The following MYO5B variants were observed in gnomAD, a reference collection of about 807,000 sequenced individuals.
MYO5B encodes myosin VB, also known as unconventional myosin-Vb.
In MYO5B, 143 loss-of-function variants were observed where a neutral mutation model predicts 229.3. That is an observed-to-expected ratio of 0.62 (90% confidence interval 0.54 to 0.72). The LOEUF (loss-of-function observed/expected upper bound fraction) is 0.72, where lower values mean the gene tolerates loss of function less well. Among genes scored for constraint, MYO5B ranks in the 30% least tolerant of loss-of-function variants. The pLI, the probability that MYO5B is intolerant of heterozygous loss-of-function variation, is 0.00. For missense variants in MYO5B, 2,321 were observed against 2,331.0 expected (o/e 1.00, Z 0.09); for synonymous variants, 918 against 885.2 (o/e 1.04, Z -0.66).
intron 1 of MYO5B, among the ~76,000 whole-genome samples, chr18:50,132,433 T>C (rs2032268636): frequency 1.3e-5 from 2 of 152,214 alleles, no homozygotes; most frequent in South Asian, 4.1e-4. Flanking sequence ...ATGAGATTAA[T>C]ATATATTCCA....
intron 6 of MYO5B, 49 bp from the exon 7 acceptor site, chr18:49,990,569 C>A (rs182327830): frequency 6.7e-7 from 1 of 1,488,934 alleles, no homozygotes. Context: ...CCTCTAACAT[C>A]GTTCCCTCTG....
At chr18:49,980,750 G>A (rs761864182) in intron 8 of MYO5B, among the ~76,000 whole-genome samples, 197 bp from the exon 9 acceptor site, 1 of 152,004 alleles carries the variant, frequency 6.6e-6, no homozygotes, top group Non-Finnish European at 1.5e-5. Context: ...GGGGCTCCTT[G>A]GACTAAAAAG....
At chr18:49,881,119 T>C (rs2024581260) in intron 22 of MYO5B, among the ~76,000 whole-genome samples, 1 of 152,238 alleles carries the variant, frequency 6.6e-6, no homozygotes, top group South Asian at 2.1e-4. Flanking sequence ...ATATACTCTT[T>C]TGTCTTTGTC....
intron 17 of MYO5B, among the ~76,000 whole-genome samples, chr18:49,917,138 C>G (rs745631990): frequency 6.6e-6 from 1 of 152,168 alleles, no homozygotes; most frequent in Non-Finnish European, 1.5e-5. Context: ...CATTCCACCT[C>G]GTGTTGTGGA....
At chr18:49,971,799 G>A (rs1052471052) in intron 10 of MYO5B, among the ~76,000 whole-genome samples, 4 of 152,220 alleles carry the variant, frequency 2.6e-5, no homozygotes, top group Admixed American at 2.0e-4. Context: ...AACTCAGAGA[G>A]AGTGTGAACT....
At chr18:50,098,393 A>G (rs921648994) in intron 1 of MYO5B, among the ~76,000 whole-genome samples, 1 of 152,228 alleles carries the variant, frequency 6.6e-6, no homozygotes, top group African/African-American at 2.4e-5. Flanking sequence ...CAATGAAGTT[A>G]TAACATTCAT....
Position 50,001,291 on chromosome 18 carries a change from G to C in MYO5B, c.576C>G (p.Ile192Met). Residue 192 changes from isoleucine to methionine, a missense_variant, in exon 5 of 40, where the codon ATC (isoleucine) becomes ATG (methionine). Around this residue, in one of 2 missense-constraint regions of MYO5B, gnomAD observed 2,113 missense variants for 2,044.7 expected, o/e 1.03. Coordinates refer to ENST00000285039, the MANE Select transcript of MYO5B (RefSeq NM_001080467.3). Reference sequence around the variant, plus strand: ...GACTGGATGCCAGCACCTTCTCTTCGATGTTGGTTTCACTGGCCGAGCCAC... The same window carrying C: ...GACTGGATGCCAGCACCTTCTCTTCCATGTTGGTTTCACTGGCCGAGCCAC... ...TVGGSASETN[I>M]EEKVLASSPI... 7 of 1,614,166 alleles carry C rather than the reference G, an allele frequency of 4.3e-6. No individual in the cohort carries two copies. The highest frequency in any genetic ancestry group is 5.9e-6 in the Non-Finnish European group (7 of 1,180,008).
chr18:49,960,044 C>T (rs950407795), intron 12 of MYO5B, among the ~76,000 whole-genome samples: 1 of 152,112 alleles, frequency 6.6e-6, no homozygotes, highest in African/African-American at 2.4e-5. Flanking sequence ...GCAGCTGTGG[C>T]ACCAGTCACA....
At position 50,031,982 on chromosome 18, in the gene MYO5B, C is replaced by T. The variant is rs527306720; in HGVS notation, c.455+4868G>A. 7.9e-5 allele frequency among the ~76,000 whole-genome samples: 12 copies of T among 152,318 alleles called. No individual in the cohort carries two copies. In the South Asian group the frequency reaches 1.5e-3, roughly 18 times the overall value. On this transcript the variant is annotated intron_variant, in intron 4 of 39. Coordinates refer to ENST00000285039, the MANE Select transcript of MYO5B (RefSeq NM_001080467.3). ...GAAGACGTTTAACTTGGTTAACCCA[C>T]GGTTTCCCAAACTCGTTTGGCCAAC...
intron 1 of MYO5B, among the ~76,000 whole-genome samples, chr18:50,174,488 C>G (rs1187306967): frequency 6.6e-6 from 1 of 152,194 alleles, no homozygotes; most frequent in East Asian, 1.9e-4. Flanking sequence ...TGTTGCTGAA[C>G]AGCTCAGGGT....
chr18:50,162,133 C>T (rs1397703305), intron 1 of MYO5B, among the ~76,000 whole-genome samples: 2 of 152,258 alleles, frequency 1.3e-5, no homozygotes, highest in African/African-American at 2.4e-5. Context: ...TTCCCCTGTG[C>T]TCCAATCTTA....
chr18:50,034,561 T>C (rs1463049946), intron 4 of MYO5B, among the ~76,000 whole-genome samples: 1 of 152,060 alleles, frequency 6.6e-6, no homozygotes, highest in Non-Finnish European at 1.5e-5. Flanking sequence ...CTGGCCAACA[T>C]GGTGAAACCC....
In MYO5B at chr18:49,864,285, G is replaced by C. The variant is rs370216981; in HGVS notation, c.3699C>G (p.Ser1233Arg). Residue 1233 changes from serine (S) to arginine (R), a missense_variant, in exon 28 of 40, where the codon AGC (serine) becomes AGG (arginine). Physicochemically the swap from Ser to Arg is moderately radical, Grantham distance 110. This residue lies in a region of MYO5B where 2,113 missense variants were observed against 2,044.7 expected (regional missense o/e 1.03). Transcript: ENST00000285039. ...VADQATQNNS[S>R]HGSPDSYSLL... is the part of the protein sequence containing the mutation. The stretch of plus-strand genomic sequence containing the variant: ...GGCTGTAGCTATCTGGGGAGCCGTG[G>C]CTGGAGTTATTCTGCGTGGCTTGGT... 1.2e-6 allele frequency: 2 copies of C among 1,614,206 alleles called. No homozygotes were observed. Among genetic ancestry groups the C allele is most frequent in the Non-Finnish European group, 8.5e-7 (1 of 1,180,050 alleles).
intron 1 of MYO5B, among the ~76,000 whole-genome samples, chr18:50,119,011 T>C (rs2032014723): frequency 6.6e-6 from 1 of 152,190 alleles, no homozygotes; most frequent in Admixed American, 6.5e-5. Flanking sequence ...TGTCTCTACC[T>C]ATAAGATGTA....
chr18:50,137,172 A>G (rs2032349491), intron 1 of MYO5B, among the ~76,000 whole-genome samples: 1 of 152,250 alleles, frequency 6.6e-6, no homozygotes, highest in African/African-American at 2.4e-5. Flanking sequence ...TTTCACATAC[A>G]ATCAAAAGGC....
At position 50,076,315 on chromosome 18, in the gene MYO5B, G is replaced by A. The variant is rs574095812; in HGVS notation, c.28-20937C>T. On this transcript the variant is annotated intron_variant, in intron 1 of 39. Coordinates refer to ENST00000285039, the MANE Select transcript of MYO5B (RefSeq NM_001080467.3). Reference sequence around the variant, plus strand: ...CTGACAAGGTTGAGGAGGTGGCAGTGGACGATCATACCATGTTCCATCCAT... The same window carrying A: ...CTGACAAGGTTGAGGAGGTGGCAGTAGACGATCATACCATGTTCCATCCAT... Among the ~76,000 whole-genome samples, 4 of 152,200 alleles carry A rather than the reference G, an allele frequency of 2.6e-5. No individual in the cohort carries two copies. The East Asian group carries it at 5.8e-4, about 22-fold the overall frequency.
intron 17 of MYO5B, among the ~76,000 whole-genome samples, chr18:49,913,230 A>T (rs995265615): frequency 3.9e-5 from 6 of 152,338 alleles, no homozygotes; most frequent in African/African-American, 1.4e-4. Flanking sequence ...TTGGCCTCTG[A>T]AATGATCTCT....
intron 1 of MYO5B, among the ~76,000 whole-genome samples, chr18:50,106,364 C>G (rs993676051): frequency 1.3e-5 from 2 of 152,174 alleles, no homozygotes; most frequent in African/African-American, 4.8e-5. Flanking sequence ...CTCCCTTGCT[C>G]AGAGCTCTTA....
chr18:49,845,300 A>G (rs1367937638), intron 33 of MYO5B, among the ~76,000 whole-genome samples: 2 of 152,222 alleles, frequency 1.3e-5, no homozygotes, highest in Admixed American at 6.5e-5. Context: ...TTTTTAAAAG[A>G]GCAAAATACA....
Sources: allele counts gnomAD v4.1 joint callset (sites outside exome capture counted in the v4.1 genomes callset), GRCh38; gene constraint gnomAD v4.1.1; regional missense constraint gnomAD v4.1.1; transcripts MANE v1.5; gene names NCBI Gene and HGNC (gene_info 2026-07-23, HGNC 2026-07-21).